The following CCDC62 variants were observed in gnomAD, a reference collection of about 807,000 sequenced individuals.
CCDC62 encodes coiled-coil domain-containing protein 62.
CCDC62 carries 72 observed loss-of-function variants against 80.8 expected under a neutral mutation model. The observed-to-expected ratio is 0.89, with a 90% CI of 0.74 to 1.08. The LOEUF (loss-of-function observed/expected upper bound fraction) is 1.08, where lower values mean the gene tolerates loss of function less well. CCDC62 is among the 50% of genes least tolerant of loss of function. The pLI is 0.00. For synonymous variants in CCDC62, 286 were observed against 296.5 expected (o/e 0.96, Z 0.36); for missense variants, 704 against 809.4 (o/e 0.87, Z 1.58).
At chr12:122,818,087 C>G (rs2032243135) in intron 11 of CCDC62, among the ~76,000 whole-genome samples, 1 of 152,090 alleles carries the variant, frequency 6.6e-6, no homozygotes, top group South Asian at 2.1e-4. Context: ...GTGGGAGGAT[C>G]ACTTGAGGGC....
Position 122,798,106 on chromosome 12 carries a change from G to T in CCDC62, c.883G>T (p.Asp295Tyr), listed in dbSNP as rs756143185. Residue 295 changes from aspartate (D) to tyrosine (Y), a missense_variant, in exon 8 of 13, where the codon GAT (aspartate) becomes TAT (tyrosine). Transcript: ENST00000253079. ...ACAGATTTATGTAAAACAACAGAGT[G>T]ATCTGCAGTTTCTTAATTTCAATGT... ...LRQIYVKQQSDLQFLNFNVEN... is the reference protein window; with the variant it reads ...LRQIYVKQQSYLQFLNFNVEN... 2.0e-6 allele frequency: 3 copies of T among 1,518,612 alleles called. No individual in the cohort carries two copies. Among genetic ancestry groups the T allele is most frequent in the Non-Finnish European group, 2.7e-6 (3 of 1,093,558 alleles). 94.1% of individuals were successfully genotyped at this position (1,518,612 alleles called of 1,614,324 possible).
chr12:122,791,931 G>T (rs749437211), intron 5 of CCDC62, 89 bp from the exon 6 acceptor site: 4 of 848,098 alleles, frequency 4.7e-6, no homozygotes, highest in East Asian at 4.9e-5. Context: ...GGAAGGAGCC[G>T]CTGAGGATGT....
At chr12:122,805,509 C>CTTTTT (rs34211739) in intron 9 of CCDC62, among the ~76,000 whole-genome samples, 10 of 49,514 alleles carry the variant, frequency 2.0e-4, no homozygotes, top group Non-Finnish European at 2.4e-4. Flanking sequence ...ACACCCAGCT[C>CTTTTT]TTTTTTTTTT....
chr12:122,814,263 G>A (rs1170180596), intron 11 of CCDC62, among the ~76,000 whole-genome samples: 15 of 118,094 alleles, frequency 1.3e-4, no homozygotes, highest in Non-Finnish European at 2.1e-4. Flanking sequence ...CCTTGGCAAT[G>A]AGCAAAGCTC....
intron 6 of CCDC62, among the ~76,000 whole-genome samples, chr12:122,795,065 T>G (rs1334714638): frequency 6.6e-6 from 1 of 152,136 alleles, no homozygotes; most frequent in African/African-American, 2.4e-5. Context: ...TTTGTTTTTT[T>G]TCGGAGATGG....
intron 9 of CCDC62, among the ~76,000 whole-genome samples, chr12:122,804,948 G>A (rs886257713): frequency 3.4e-5 from 5 of 147,934 alleles, no homozygotes; most frequent in Non-Finnish European, 7.4e-5. Flanking sequence ...GCAATGGCAC[G>A]ATCTCGGCTC....
At chr12:122,787,623 C>T (rs1240319644) in intron 4 of CCDC62, among the ~76,000 whole-genome samples, 4 of 151,940 alleles carry the variant, frequency 2.6e-5, no homozygotes, top group East Asian at 1.9e-4. Flanking sequence ...TGATGGCACA[C>T]GCCTGTAGTC....
intron 4 of CCDC62, among the ~76,000 whole-genome samples, chr12:122,787,207 G>A (rs866290432): frequency 6.6e-6 from 1 of 152,148 alleles, no homozygotes; most frequent in African/African-American, 2.4e-5. Flanking sequence ...CAGCACTTTG[G>A]GAAGCTGAGG....
chr12:122,800,164 C>CTTTTTT (rs59113229), intron 8 of CCDC62, among the ~76,000 whole-genome samples: 14 of 104,922 alleles, frequency 1.3e-4, no homozygotes, highest in East Asian at 3.2e-4. Context: ...TGCCCGGCTA[C>CTTTTTT]TTTTTTTTTT....
At chr12:122,800,427 A>ATTTT (rs750581644) in intron 8 of CCDC62, among the ~76,000 whole-genome samples, 1 of 138,968 alleles carries the variant, frequency 7.2e-6, no homozygotes. Context: ...TAAAAAAAAA[A>ATTTT]TTTTTTTTTT....
intron 10 of CCDC62, among the ~76,000 whole-genome samples, chr12:122,812,791 G>GAA (rs1348176289): frequency 1.4e-5 from 2 of 141,816 alleles, no homozygotes; most frequent in Non-Finnish European, 3.0e-5. Context: ...AAGAAAGAAA[G>GAA]AAAGAAAGAA....
At chr12:122,818,849 G>A (rs1240201471) in intron 11 of CCDC62, among the ~76,000 whole-genome samples, 1 of 151,842 alleles carries the variant, frequency 6.6e-6, no homozygotes, top group Non-Finnish European at 1.5e-5. Flanking sequence ...TTTGAGCCCA[G>A]GAGTTCGAGG....
intron 6 of CCDC62, among the ~76,000 whole-genome samples, chr12:122,793,889 T>C (rs1249986122): frequency 6.6e-6 from 1 of 152,210 alleles, no homozygotes; most frequent in African/African-American, 2.4e-5. Flanking sequence ...CAAGTAGTGA[T>C]AACCCGTTAA....
intron 11 of CCDC62, among the ~76,000 whole-genome samples, chr12:122,816,453 T>C (rs1278555477): frequency 6.6e-6 from 1 of 152,190 alleles, no homozygotes; most frequent in Non-Finnish European, 1.5e-5. Context: ...AGGCCAGCCA[T>C]GGTGGCTAAT....
intron 10 of CCDC62, among the ~76,000 whole-genome samples, chr12:122,808,039 G>T (rs375269765): frequency 2.5e-4 from 38 of 152,262 alleles, no homozygotes; most frequent in African/African-American, 7.9e-4. Context: ...GCCATTAAAA[G>T]TAATCCCAAC....
intron 12 of CCDC62, among the ~76,000 whole-genome samples, chr12:122,824,589 T>C (rs1251333548): frequency 6.6e-6 from 1 of 152,116 alleles, no homozygotes; most frequent in Non-Finnish European, 1.5e-5. Context: ...ACAACCCCTA[T>C]GGAAAACAGT....
At chr12:122,790,551 G>A (rs769364428) in intron 5 of CCDC62, among the ~76,000 whole-genome samples, 5 of 152,080 alleles carry the variant, frequency 3.3e-5, no homozygotes, top group African/African-American at 9.7e-5. Flanking sequence ...CCAGCTACTC[G>A]AGAGGCAAAG....
At chr12:122,801,929 C>A (rs1247731996) in intron 9 of CCDC62, 77 bp downstream of exon 9, 1 of 1,415,910 alleles carries the variant, frequency 7.1e-7, no homozygotes, top group East Asian at 2.3e-5. Context: ...TGATGGAAGC[C>A]ACGCCATACC....
chr12:122,826,057 A>C (rs2135603702), intron 12 of CCDC62, among the ~76,000 whole-genome samples: 1 of 151,418 alleles, frequency 6.6e-6, no homozygotes, highest in South Asian at 2.1e-4. Context: ...GTATTGACCC[A>C]GTAAGCACTT....
Sources: allele counts gnomAD v4.1 joint callset (sites outside exome capture counted in the v4.1 genomes callset), GRCh38; gene constraint gnomAD v4.1.1; transcripts MANE v1.5; gene names NCBI Gene and HGNC (gene_info 2026-07-23, HGNC 2026-07-21).